The following KCNMB4 variants were observed in gnomAD, a reference collection of about 807,000 sequenced individuals.
KCNMB4 encodes potassium calcium-activated channel subfamily M regulatory beta subunit 4.
Under a neutral mutation model 20.7 loss-of-function variants are expected in KCNMB4, and 3 were observed. The ratio of observed to expected loss-of-function variants is 0.14; its 90% CI spans 0.07 to 0.37. The LOEUF (loss-of-function observed/expected upper bound fraction) is 0.37. Among genes scored for constraint, KCNMB4 ranks in the 10% least tolerant of loss-of-function variants. The probability of loss-of-function intolerance (pLI) is 1.00; values close to 1 mark genes in which losing one functional copy is unlikely to be tolerated. For synonymous variants in KCNMB4, 110 were observed against 113.4 expected (o/e 0.97, Z 0.19); for missense variants, 168 against 265.9 (o/e 0.63, Z 2.56).
intron 1 of KCNMB4, among the ~76,000 whole-genome samples, chr12:70,386,943 A>G (rs1344109896): frequency 3.9e-5 from 6 of 152,208 alleles, no homozygotes; most frequent in African/African-American, 1.4e-4. Flanking sequence ...GTGTGCTCAC[A>G]TTCTTGTTAA....
chr12:70,418,026 A>T lies in KCNMB4; in HGVS notation c.465-12459A>T, dbSNP rs560176564. Among the ~76,000 whole-genome samples, 3 of 152,328 alleles carry T rather than the reference A, an allele frequency of 2.0e-5. No homozygotes were observed. The East Asian group carries it at 5.8e-4, about 29-fold the overall frequency. ...CCATCTTGATTTTATATCAAAATTCATGGGGAAAATGTGCCTTGACTTCCT... is the reference window on the plus strand; with the variant it reads ...CCATCTTGATTTTATATCAAAATTCTTGGGGAAAATGTGCCTTGACTTCCT... On this transcript the variant is annotated intron_variant, in intron 2 of 2. Transcript: ENST00000258111.
At chr12:70,421,827 C>T (rs550742991) in intron 2 of KCNMB4, among the ~76,000 whole-genome samples, 5 of 151,482 alleles carry the variant, frequency 3.3e-5, no homozygotes, top group South Asian at 2.1e-4. Flanking sequence ...TTGATCCGCC[C>T]GCCTTGGCCT....
chr12:70,375,192 G>T (rs1031222654), intron 1 of KCNMB4, among the ~76,000 whole-genome samples: 20 of 151,964 alleles, frequency 1.3e-4, no homozygotes, highest in African/African-American at 4.8e-4. Flanking sequence ...AAATTTCACT[G>T]CCACTCTCTT....
chr12:70,424,244 T>C (rs956747751), intron 2 of KCNMB4, among the ~76,000 whole-genome samples: 4 of 152,106 alleles, frequency 2.6e-5, no homozygotes, highest in Admixed American at 6.5e-5. Context: ...TTTAGTCAGA[T>C]AAGGGAAGAT....
chr12:70,430,771 G>A lies in KCNMB4; in HGVS notation c.*118G>A. The A allele has an allele frequency of 1.0e-6, 1 of 978,856 alleles. No individual in the cohort carries two copies. Among genetic ancestry groups the A allele is most frequent in the Non-Finnish European group, 1.4e-6 (1 of 706,072 alleles). 60.6% of individuals were successfully genotyped at this position (978,856 alleles called of 1,614,324 possible). On this transcript the variant is annotated 3_prime_UTR_variant, in exon 3 of 3. Transcript: ENST00000258111. ...GGACAGGGCCACGACAGGGCTCTGA[G>A]AGGCTCATCCCTCAGTGGCAACAGA...
intron 2 of KCNMB4, among the ~76,000 whole-genome samples, chr12:70,421,346 G>A (rs1251322275): frequency 6.6e-6 from 1 of 150,928 alleles, no homozygotes; most frequent in African/African-American, 2.4e-5. Flanking sequence ...GTAAAAATTA[G>A]CTGAGCGTGA....
At chr12:70,367,477 T>G (rs1330211802) in intron 1 of KCNMB4, among the ~76,000 whole-genome samples, 3 of 152,180 alleles carry the variant, frequency 2.0e-5, no homozygotes, top group African/African-American at 4.8e-5. Flanking sequence ...GAGCTTCAGC[T>G]GGTCTCATCT....
intron 2 of KCNMB4, among the ~76,000 whole-genome samples, chr12:70,426,142 A>T (rs1869206723): frequency 6.6e-6 from 1 of 151,998 alleles, no homozygotes; most frequent in Non-Finnish European, 1.5e-5. Flanking sequence ...AAAAGTACAA[A>T]AATTAGTGGG....
At chr12:70,411,531 A>G (rs1389848411) in intron 2 of KCNMB4, among the ~76,000 whole-genome samples, 1 of 152,196 alleles carries the variant, frequency 6.6e-6, no homozygotes, top group Non-Finnish European at 1.5e-5. Flanking sequence ...CTCTCCGTGA[A>G]GCAAGCCCAT....
chr12:70,369,033 G>A (rs1405546307), intron 1 of KCNMB4, among the ~76,000 whole-genome samples: 1 of 151,964 alleles, frequency 6.6e-6, no homozygotes, highest in East Asian at 1.9e-4. Flanking sequence ...TCAGATCTTG[G>A]CAACAGTTGT....
At chr12:70,392,117 T>C (rs1318178652) in intron 1 of KCNMB4, among the ~76,000 whole-genome samples, 2 of 152,210 alleles carry the variant, frequency 1.3e-5, no homozygotes, top group Non-Finnish European at 2.9e-5. Context: ...ACACATTGAA[T>C]TTGTGTACCT....
intron 2 of KCNMB4, among the ~76,000 whole-genome samples, chr12:70,427,563 C>T (rs971571214): frequency 6.6e-6 from 1 of 152,106 alleles, no homozygotes; most frequent in Admixed American, 6.5e-5. Context: ...ATAGCTAACT[C>T]GGAGGGACTG....
At chr12:70,399,479 A>G (rs1048061264) in intron 1 of KCNMB4, among the ~76,000 whole-genome samples, 1 of 152,234 alleles carries the variant, frequency 6.6e-6, no homozygotes, top group Non-Finnish European at 1.5e-5. Context: ...ATAAATAGAA[A>G]CTGGCATCAT....
intron 1 of KCNMB4, among the ~76,000 whole-genome samples, chr12:70,369,174 C>T (rs1271530908): frequency 6.6e-6 from 1 of 152,204 alleles, no homozygotes; most frequent in Non-Finnish European, 1.5e-5. Flanking sequence ...AAGGTTTTCT[C>T]AGCCAAACCA....
At chr12:70,381,020 A>G (rs1593324456) in intron 1 of KCNMB4, among the ~76,000 whole-genome samples, 1 of 152,386 alleles carries the variant, frequency 6.6e-6, no homozygotes, top group East Asian at 1.9e-4. Flanking sequence ...GTCTAGTACC[A>G]AGAAAATAAT....
intron 1 of KCNMB4, among the ~76,000 whole-genome samples, chr12:70,373,599 C>A (rs917912745): frequency 3.3e-5 from 5 of 152,282 alleles, no homozygotes; most frequent in Middle Eastern, 3.4e-3. Flanking sequence ...AAATTTGTGC[C>A]ATTTTAAGCC....
intron 2 of KCNMB4, among the ~76,000 whole-genome samples, chr12:70,406,384 A>T (rs1021789482): frequency 2.6e-5 from 4 of 152,214 alleles, no homozygotes; most frequent in African/African-American, 9.6e-5. Context: ...TGAGGAGTGG[A>T]TATAGAGAAA....
At chr12:70,368,085 G>C (rs1015018011) in intron 1 of KCNMB4, among the ~76,000 whole-genome samples, 1 of 151,998 alleles carries the variant, frequency 6.6e-6, no homozygotes, top group Non-Finnish European at 1.5e-5. Context: ...ACTATCAAAG[G>C]TATGTATCTT....
chr12:70,423,539 C>T (rs1320037882), intron 2 of KCNMB4, among the ~76,000 whole-genome samples: 1 of 152,008 alleles, frequency 6.6e-6, no homozygotes, highest in Non-Finnish European at 1.5e-5. Context: ...GCAATCTTGG[C>T]TCACTGTAGG....
Sources: gnomAD v4.1 joint callset for allele counts (sites outside exome capture counted in the v4.1 genomes callset) on GRCh38, gnomAD v4.1.1 for gene constraint, MANE v1.5 for transcripts, NCBI Gene and HGNC (gene_info 2026-07-23, HGNC 2026-07-21) for gene names.